The following CYP2D6 variants were observed in gnomAD, a reference collection of about 807,000 sequenced individuals.
CYP2D6 encodes the protein cytochrome P450 2D6.
Under a neutral mutation model 43.5 loss-of-function variants are expected in CYP2D6, and 51 were observed. The ratio of observed to expected loss-of-function variants is 1.17; its 90% confidence interval spans 0.94 to 1.48. The LOEUF (loss-of-function observed/expected upper bound fraction) is 1.48, where lower values mean the gene tolerates loss of function less well. Among genes scored for constraint, CYP2D6 ranks in the 40% most tolerant of loss-of-function variants. The pLI is 0.00. For synonymous variants in CYP2D6, 346 were observed against 297.1 expected, an observed-to-expected ratio of 1.16 and a Z score of -1.69; for missense variants, 698 against 688.0, an observed-to-expected ratio of 1.01 and a Z score of -0.16.
In CYP2D6 at chr22:42,127,609, G is replaced by A. The variant is rs777528365; in HGVS notation, c.1011C>T (p.Asp337=). 1.3e-5 allele frequency: 21 copies of A among 1,611,706 alleles called. No individual in the cohort carries two copies. The highest frequency in any genetic ancestry group is 8.9e-5 in the East Asian group (4 of 44,760). ...VQRRVQQEID[D]VIGQVRRPEM... ...CTGGTCGCCGCACCTGCCCTATCAC[G>A]TCGTCGATCTCCTGTTGGACACGGC... Residue 337 remains aspartate, a synonymous_variant, in exon 7 of 9, where the codon GAC becomes GAT. Transcript: ENST00000645361.
At chr22:42,129,708 A>C in intron 2 of CYP2D6, 30 bp downstream of exon 2, 2 of 1,608,734 alleles carry the variant, frequency 1.2e-6, no homozygotes, top group Non-Finnish European at 1.7e-6. Flanking sequence ...GGTCCCACGG[A>C]AATCTGTCTC....
rs1441756211 is a variant in CYP2D6 at position 42,130,618 on chromosome 22, G to A, written c.174C>T (p.Phe58=). 9 of 1,601,956 alleles carry A rather than the reference G, an allele frequency of 5.6e-6. No individual in the cohort carries two copies. Among genetic ancestry groups the A allele is most frequent in the Admixed American group, 3.4e-5 (2 of 59,060 alleles). ...CCAGGACCTCCTCCCTCACCTGGTC[G>A]AAGCAGTATGGTGTGTTCTGGAAGT... ...HVDFQNTPYC[F]DQLRRRFGDV... Residue 58 remains phenylalanine, a synonymous_variant, in exon 1 of 9, where the codon TTC becomes TTT. Transcript: ENST00000645361.
Position 42,128,366 on chromosome 22 carries a change from C to T in CYP2D6, c.667-16G>A, listed in dbSNP as rs370484811. On this transcript the variant is annotated splice_polypyrimidine_tract_variant and intron_variant, in intron 4 of 8. Coordinates refer to ENST00000645361, the MANE Select transcript of CYP2D6 (RefSeq NM_000106.6). ...CATTCAGCACCTACACCAGACAGAA[C>T]GGGGTCTCAATCCCTCCTGTGCTCT... 1.6e-5 allele frequency: 25 copies of T among 1,609,054 alleles called. 1 individual carries two copies. Among genetic ancestry groups the T allele is most frequent in the Admixed American group, 3.3e-5 (2 of 59,832 alleles).
intron 6 of CYP2D6, 88 bp downstream of exon 6, chr22:42,127,754 G>A (rs1320689929): frequency 7.0e-6 from 11 of 1,576,646 alleles, no homozygotes; most frequent in East Asian, 2.2e-5. Context: ...GCCTGTGCTT[G>A]GAGCCCCGGG....
chr22:42,127,393 G>C (rs1480268860), intron 7 of CYP2D6, 54 bp downstream of exon 7: 13 of 1,400,170 alleles, frequency 9.3e-6, no homozygotes, highest in Non-Finnish European at 1.3e-5. Context: ...AGCCATGCTG[G>C]GGCTATCACC....
rs933264010 is a variant in CYP2D6 at position 42,129,094 on chromosome 22, C to A, written c.444G>T (p.Ser148=). Residue 148 remains serine, a synonymous_variant, in exon 3 of 9, where the codon TCG becomes TCT. Coordinates refer to ENST00000645361, the MANE Select transcript of CYP2D6 (RefSeq NM_000106.6). ...CCTCCTCGGTCACCCACTGCTCCAG[C>A]GACTTCTTGCCCAGGCCCAAGTTGC... ...TLRNLGLGKK[S]LEQWVTEEAA... The A allele has an allele frequency of 1.7e-5, 27 of 1,610,180 alleles. No homozygotes were observed. In the Middle Eastern group the frequency reaches 4.9e-4, roughly 30 times the overall value.
chr22:42,128,852 G>T lies in CYP2D6; in HGVS notation c.598C>A (p.Pro200Thr), dbSNP rs768664932. Residue 200 changes from proline to threonine, a missense_variant, in exon 4 of 9, where the codon CCT becomes ACT. Coordinates refer to ENST00000645361, the MANE Select transcript of CYP2D6 (RefSeq NM_000106.6). ...AGGTCCAGCAGCCTGAGGAAGCGAG[G>T]GTCGTCGTACTCGAAGCGGCGCCCG... ...TCGRRFEYDD[P>T]RFLRLLDLAQ... The T allele has an allele frequency of 5.6e-6, 9 of 1,605,928 alleles. No individual in the cohort carries two copies. The highest frequency in any genetic ancestry group is 1.3e-5 in the African/African-American group (1 of 74,352).
chr22:42,128,778 C>G lies in CYP2D6; in HGVS notation c.666+6G>C, dbSNP rs1299826342. The stretch of plus-strand genomic sequence containing the variant: ...TGCAGAGACTCCTCGGTCTCTCGCT[C>G]CGCACCTCGCGCAGAAAGCCCGACT... On this transcript the variant is annotated splice_donor_region_variant and intron_variant, in intron 4 of 8. Transcript: ENST00000645361. The G allele has an allele frequency of 1.2e-6, 2 of 1,603,948 alleles. No homozygotes were observed. Among genetic ancestry groups the G allele is most frequent in the Admixed American group, 1.7e-5 (1 of 59,362 alleles).
rs141009491 is a variant in CYP2D6 at position 42,127,631 on chromosome 22, C to G, written c.989G>C (p.Arg330Pro). 3.5e-4 allele frequency: 564 copies of G among 1,611,078 alleles called. 25 individuals are homozygous for G. The highest frequency in any genetic ancestry group is 4.9e-4 in the Middle Eastern group (3 of 6,080). The stretch of plus-strand genomic sequence containing the variant: ...CACGTCGTCGATCTCCTGTTGGACA[C>G]GGCCTGGACAGACATGCGTCCCCAC... ...LMILHPDVQR[R>P]VQQEIDDVIG... Residue 330 changes from arginine to proline, a missense_variant, in exon 7 of 9, where the codon CGT becomes CCT. Transcript: ENST00000645361.
chr22:42,129,622 C>G (rs1052408283), intron 2 of CYP2D6, 116 bp downstream of exon 2: 14 of 1,395,058 alleles, frequency 1.0e-5, no homozygotes, highest in Middle Eastern at 3.5e-4. Context: ...CCCGCTGTCC[C>G]CACTCGCTGG....
chr22:42,129,209 G>A (rs770357599), intron 2 of CYP2D6, 24 bp from the exon 3 acceptor site: 9 of 1,597,834 alleles, frequency 5.6e-6, no homozygotes, highest in Non-Finnish European at 7.6e-6. Flanking sequence ...GGGCACGTGC[G>A]CGTGGCCATG....
intron 6 of CYP2D6, 23 bp from the exon 7 acceptor site, chr22:42,127,657 A>G (rs768563075): frequency 6.2e-7 from 1 of 1,608,194 alleles, no homozygotes; most frequent in Non-Finnish European, 8.5e-7. Flanking sequence ...GCGTCCCCAC[A>G]ATGGGTCAGC....
At position 42,128,768 on chromosome 22, in the gene CYP2D6, G is replaced by T. The variant is rs773942537; in HGVS notation, c.666+16C>A. ...GAGCTCGCCCTGCAGAGACTCCTCGGTCTCTCGCTCCGCACCTCGCGCAGA... is the reference window on the plus strand; with the variant it reads ...GAGCTCGCCCTGCAGAGACTCCTCGTTCTCTCGCTCCGCACCTCGCGCAGA... On this transcript the variant is annotated intron_variant, in intron 4 of 8. Transcript: ENST00000645361. 31 of 1,576,066 alleles carry T rather than the reference G, an allele frequency of 2.0e-5. No individual in the cohort carries two copies. Among genetic ancestry groups the T allele is most frequent in the Non-Finnish European group, 2.6e-5 (30 of 1,156,242 alleles).
At chr22:42,127,159 G>A (rs1267581743) in intron 7 of CYP2D6, among the ~76,000 whole-genome samples, 167 bp from the exon 8 acceptor site, 5 of 150,964 alleles carry the variant, frequency 3.3e-5, no homozygotes, top group African/African-American at 9.8e-5. Flanking sequence ...ACAGCAGGGC[G>A]CAGTCACACC....
At chr22:42,129,381 C>T in intron 2 of CYP2D6, 196 bp from the exon 3 acceptor site, 1 of 867,500 alleles carries the variant, frequency 1.2e-6, no homozygotes, top group African/African-American at 1.7e-5. Flanking sequence ...CTCTGCCCAC[C>T]CTGACCGCCT....
At position 42,126,771 on chromosome 22, in the gene CYP2D6, C is replaced by T. The variant is rs1407579860; in HGVS notation, c.1316-19G>A. 3.2e-5 allele frequency: 50 copies of T among 1,545,676 alleles called. No individual in the cohort carries two copies. The highest frequency in any genetic ancestry group is 4.1e-5 in the Non-Finnish European group (47 of 1,144,408). The stretch of plus-strand genomic sequence containing the variant: ...CGGCGGCCTGTGGGGAGGGGAGGGG[C>T]GTCAGTGAGCCTGGCTCCTGGGTGA... On this transcript the variant is annotated intron_variant, in intron 8 of 8. Coordinates refer to ENST00000645361, the MANE Select transcript of CYP2D6 (RefSeq NM_000106.6).
intron 2 of CYP2D6, 119 bp downstream of exon 2, chr22:42,129,619 T>A (rs1931690552): frequency 1.5e-6 from 2 of 1,370,874 alleles, no homozygotes; most frequent in East Asian, 2.3e-5. Flanking sequence ...TGGCCCGCTG[T>A]CCCCACTCGC....
chr22:42,130,748 A>G lies in CYP2D6; in HGVS notation c.44T>C (p.Ile15Thr). The change falls in exon 1 of 9, where the codon ATC becomes ACC. Residue 15 changes from isoleucine (I) to threonine (T), a missense_variant. Ile to Thr is a moderately conservative substitution (Grantham distance 89). Coordinates refer to ENST00000645361, the MANE Select transcript of CYP2D6 (RefSeq NM_000106.6). Reference sequence around the variant, plus strand: ...CATCAGGTCCACCAGGAGCAGGAAGATGGCCACTATCACGGCCAGGGGCAC... The same window carrying G: ...CATCAGGTCCACCAGGAGCAGGAAGGTGGCCACTATCACGGCCAGGGGCAC... ...ALVPLAVIVA[I>T]FLLLVDLMHR... 6.3e-7 allele frequency: 1 copy of G among 1,594,250 alleles called. No homozygotes were observed. The highest frequency in any genetic ancestry group is 1.7e-4 in the Middle Eastern group (1 of 5,892).
chr22:42,127,641 A>C lies in CYP2D6; in HGVS notation c.986-7T>G. 6.2e-7 allele frequency: 1 copy of C among 1,610,674 alleles called. No individual in the cohort carries two copies. The highest frequency in any genetic ancestry group is 1.1e-5 in the South Asian group (1 of 90,864). On this transcript the variant is annotated splice_region_variant and splice_polypyrimidine_tract_variant and intron_variant, in intron 6 of 8. Coordinates refer to ENST00000645361, the MANE Select transcript of CYP2D6 (RefSeq NM_000106.6). ...ATCTCCTGTTGGACACGGCCTGGAC[A>C]GACATGCGTCCCCACAATGGGTCAG...
Sources: gnomAD v4.1 joint callset for allele counts (sites outside exome capture counted in the v4.1 genomes callset) on GRCh38, gnomAD v4.1.1 for gene constraint, MANE v1.5 for transcripts, NCBI Gene and HGNC (gene_info 2026-07-23, HGNC 2026-07-21) for gene names.